Variants in MSH3 observed in about 807,000 individuals in gnomAD.
MSH3 encodes mutS homolog 3, also known as DNA mismatch repair protein Msh3.
Under a neutral mutation model 123.3 loss-of-function variants are expected in MSH3, and 106 were observed. The ratio of observed to expected loss-of-function variants is 0.86; its 90% confidence interval spans 0.73 to 1.01. MSH3 has a LOEUF of 1.01. Among genes scored for constraint, MSH3 ranks in the 50% least tolerant of loss-of-function variants. MSH3 has a pLI of 0.00. For synonymous variants in MSH3, 515 were observed against 481.4 expected, an observed-to-expected ratio of 1.07 and a Z score of -0.91; for missense variants, 1,459 against 1,347.6, an observed-to-expected ratio of 1.08 and a Z score of -1.29.
chr5:80,774,060 G>A (rs909089853), intron 15 of MSH3, among the ~76,000 whole-genome samples: 13 of 152,064 alleles, frequency 8.5e-5, no homozygotes, highest in Admixed American at 7.9e-4. Flanking sequence ...GAGCCATCGC[G>A]CCCGGCCTGA....
At chr5:80,780,191 T>C (rs1358511002) in intron 17 of MSH3, among the ~76,000 whole-genome samples, 1 of 152,182 alleles carries the variant, frequency 6.6e-6, no homozygotes, top group Non-Finnish European at 1.5e-5. Flanking sequence ...AGGACAGTCA[T>C]GTTTGTAGAG....
intron 7 of MSH3, among the ~76,000 whole-genome samples, chr5:80,678,598 G>A (rs1460834170): frequency 2.0e-5 from 3 of 152,156 alleles, no homozygotes; most frequent in African/African-American, 7.2e-5. Flanking sequence ...GAGAGAAGTA[G>A]GCTGGTTTGG....
chr5:80,783,232 A>AT (rs986838957), intron 17 of MSH3, among the ~76,000 whole-genome samples: 6 of 152,200 alleles, frequency 3.9e-5, no homozygotes, highest in Non-Finnish European at 7.3e-5. Context: ...GCCAGAGGTT[A>AT]AATCATAGTG....
At chr5:80,740,846 CT>C (rs1281968048) in intron 10 of MSH3, among the ~76,000 whole-genome samples, 1 of 151,920 alleles carries the variant, frequency 6.6e-6, no homozygotes, top group Non-Finnish European at 1.5e-5. Flanking sequence ...TCCCGAGTAC[CT>C]GGGACTACAG....
chr5:80,847,609 C>T (rs1269324764), intron 20 of MSH3, among the ~76,000 whole-genome samples: 5 of 151,980 alleles, frequency 3.3e-5, no homozygotes, highest in Admixed American at 3.3e-4. Flanking sequence ...TTTTTTCTTT[C>T]TCTGAGGCAT....
chr5:80,838,309 ACT>A (rs1023866335), intron 20 of MSH3, among the ~76,000 whole-genome samples: 13 of 151,870 alleles, frequency 8.6e-5, no homozygotes, highest in African/African-American at 3.1e-4. Context: ...CAGAGTGTAG[ACT>A]CTGGCGTCAG....
intron 8 of MSH3, among the ~76,000 whole-genome samples, chr5:80,700,935 T>C (rs1384797668): frequency 6.6e-6 from 1 of 152,194 alleles, no homozygotes; most frequent in East Asian, 1.9e-4. Context: ...TTGTGTGAGG[T>C]GTGCTGCATT....
chr5:80,713,658 A>G (rs572901020), intron 8 of MSH3, among the ~76,000 whole-genome samples: 1 of 152,284 alleles, frequency 6.6e-6, no homozygotes, highest in South Asian at 2.1e-4. Flanking sequence ...TTTTTGATGC[A>G]GTGGTATTTA....
intron 12 of MSH3, among the ~76,000 whole-genome samples, chr5:80,755,042 G>A (rs1743901269): frequency 6.6e-6 from 1 of 152,190 alleles, no homozygotes; most frequent in South Asian, 2.1e-4. Flanking sequence ...CAGTGACTCT[G>A]GTTTACTCAG....
chr5:80,698,096 C>T (rs1036375998), intron 8 of MSH3, among the ~76,000 whole-genome samples: 6 of 151,846 alleles, frequency 4.0e-5, no homozygotes, highest in South Asian at 2.1e-4. Context: ...GAGATGAGGC[C>T]TCTCTATGTC....
intron 12 of MSH3, among the ~76,000 whole-genome samples, chr5:80,752,354 G>A (rs571716437): frequency 6.6e-6 from 1 of 151,994 alleles, no homozygotes; most frequent in East Asian, 1.9e-4. Context: ...TGTCAGTCTA[G>A]TGAACTAATC....
chr5:80,752,005 A>G (rs1054479322), intron 12 of MSH3, among the ~76,000 whole-genome samples: 55 of 152,068 alleles, frequency 3.6e-4, no homozygotes, highest in Admixed American at 1.2e-3. Flanking sequence ...ATCTTGTGCA[A>G]TTTTGTGTTT....
chr5:80,756,640 A>G (rs902404903), intron 12 of MSH3, among the ~76,000 whole-genome samples: 3 of 152,192 alleles, frequency 2.0e-5, no homozygotes, highest in Non-Finnish European at 4.4e-5. Context: ...ATCATAACCC[A>G]GTTATAATCT....
chr5:80,848,596 T>C (rs536012291), intron 20 of MSH3, among the ~76,000 whole-genome samples: 1 of 152,286 alleles, frequency 6.6e-6, no homozygotes, highest in Middle Eastern at 3.4e-3. Context: ...AGTCACATCT[T>C]ATGTGGATGG....
intron 3 of MSH3, among the ~76,000 whole-genome samples, chr5:80,669,550 A>G (rs753395697): frequency 1.1e-4 from 16 of 152,194 alleles, no homozygotes; most frequent in Non-Finnish European, 1.9e-4. Context: ...AAATTTTTTA[A>G]CAGCTCTTTC....
chr5:80,732,653 A>G (rs994651280), intron 10 of MSH3, among the ~76,000 whole-genome samples: 7 of 152,186 alleles, frequency 4.6e-5, no homozygotes, highest in Non-Finnish European at 1.0e-4. Context: ...TCAATGAAAT[A>G]TAAGTACATG....
intron 20 of MSH3, among the ~76,000 whole-genome samples, chr5:80,832,280 A>C (rs1745433402): frequency 6.6e-6 from 1 of 151,990 alleles, no homozygotes; most frequent in African/African-American, 2.4e-5. Context: ...GTAAAGAGTT[A>C]CTCTTAATGG....
chr5:80,860,411 A>G (rs1398884587), intron 21 of MSH3, among the ~76,000 whole-genome samples: 1 of 149,206 alleles, frequency 6.7e-6, no homozygotes, highest in Non-Finnish European at 1.5e-5. Context: ...TTATTTTGCA[A>G]GGTACAGAAT....
At chr5:80,659,015 C>T (rs1426425978) in intron 2 of MSH3, among the ~76,000 whole-genome samples, 1 of 152,092 alleles carries the variant, frequency 6.6e-6, no homozygotes, top group East Asian at 1.9e-4. Flanking sequence ...AGGTGTATCA[C>T]CTGAGGTCAG....
Sources: gnomAD v4.1 joint callset for allele counts (sites outside exome capture counted in the v4.1 genomes callset) on GRCh38, gnomAD v4.1.1 for gene constraint, MANE v1.5 for transcripts, NCBI Gene and HGNC (gene_info 2026-07-23, HGNC 2026-07-21) for gene names.